SLC6A2: variants seen among roughly 807,000 people sequenced by gnomAD.
SLC6A2 encodes the protein solute carrier family 6 member 2, also known as sodium-dependent noradrenaline transporter.
SLC6A2 carries 26 observed loss-of-function variants against 71.7 expected under a neutral mutation model. That is an observed-to-expected ratio of 0.36 (90% CI 0.27 to 0.50). The LOEUF is 0.50. SLC6A2 is among the 20% of genes least tolerant of loss of function. The pLI is 0.96. For missense variants in SLC6A2, 581 were observed against 803.9 expected (o/e 0.72, Z 3.35); for synonymous variants, 363 against 337.9 (o/e 1.07, Z -0.82).
intron 4 of SLC6A2, among the ~76,000 whole-genome samples, chr16:55,678,324 T>C (rs1459259629): frequency 6.6e-6 from 1 of 152,094 alleles, no homozygotes; most frequent in Non-Finnish European, 1.5e-5. Flanking sequence ...TTTTTTTTAA[T>C]GGCGTGATGC....
intron 4 of SLC6A2, among the ~76,000 whole-genome samples, chr16:55,673,520 T>C (rs575882612): frequency 1.3e-5 from 2 of 152,322 alleles, no homozygotes; most frequent in East Asian, 3.9e-4. Flanking sequence ...ATGATGTTTA[T>C]CTAGTTATAA....
rs1965851485 is a variant in SLC6A2, at chr16:55,697,988, T to C, written c.1352T>C (p.Phe451Ser). 1 of 1,614,148 alleles carries C rather than the reference T, an allele frequency of 6.2e-7. No individual in the cohort carries two copies. The highest frequency in any genetic ancestry group is 8.5e-7 in the Non-Finnish European group (1 of 1,180,022). ...AAACTCTTCACATTTGGCGTCACCT[T>C]CAGCACTTTCCTTCTCGCCCTGTTC... ...HRKLFTFGVT[F>S]STFLLALFCI... is the part of the protein sequence containing the mutation. Residue 451 changes from phenylalanine to serine, a missense_variant, in exon 10 of 15, where the codon TTC becomes TCC. By Grantham distance (155) the Phe-to-Ser change is radical. Around this residue, in one of 5 missense-constraint regions of SLC6A2, gnomAD observed 334 missense variants for 449.0 expected, o/e 0.74. Coordinates refer to ENST00000568943, the MANE Select transcript of SLC6A2 (RefSeq NM_001172501.3).
intron 5 of SLC6A2, among the ~76,000 whole-genome samples, chr16:55,688,693 A>G (rs1417758141): frequency 1.3e-5 from 2 of 152,122 alleles, no homozygotes; most frequent in African/African-American, 4.8e-5. Flanking sequence ...ATTTCTGACA[A>G]GCACCTAGGT....
At chr16:55,686,590 C>T (rs1441984450) in intron 5 of SLC6A2, among the ~76,000 whole-genome samples, 2 of 152,118 alleles carry the variant, frequency 1.3e-5, no homozygotes, top group Non-Finnish European at 2.9e-5. Flanking sequence ...CATTAGGCAA[C>T]TGATTTTGGA....
chr16:55,664,925 C>T (rs963783414), intron 2 of SLC6A2, among the ~76,000 whole-genome samples: 2 of 152,192 alleles, frequency 1.3e-5, no homozygotes, highest in East Asian at 1.9e-4. Context: ...AATACCCGGA[C>T]GGTGGAATTC....
chr16:55,696,385 A>G, intron 9 of SLC6A2, 48 bp downstream of exon 9: 1 of 1,121,710 alleles, frequency 8.9e-7, no homozygotes. Flanking sequence ...ACTGGGCCTG[A>G]CCCCCTTCCC....
intron 8 of SLC6A2, among the ~76,000 whole-genome samples, 159 bp downstream of exon 8, chr16:55,695,561 A>T (rs1198172602): frequency 6.6e-6 from 1 of 152,182 alleles, no homozygotes; most frequent in Non-Finnish European, 1.5e-5. Context: ...TGAGGTTATT[A>T]GTGGGCATTC....
chr16:55,694,738 T>C lies in SLC6A2; in HGVS notation c.1023-540T>C, dbSNP rs117459452. On this transcript the variant is annotated intron_variant, in intron 7 of 14. Coordinates refer to ENST00000568943, the MANE Select transcript of SLC6A2 (RefSeq NM_001172501.3). The stretch of plus-strand genomic sequence containing the variant: ...GGAAATGGGGTGATCAGCCCCCTGA[T>C]AGAAGACAAGCCAGTGCATGGAGGT... Among the ~76,000 whole-genome samples the C allele has an allele frequency of 1.2e-3, 177 of 152,260 alleles. 3 individuals are homozygous for C. In the East Asian group the frequency reaches 0.028, roughly 24 times the overall value.
chr16:55,694,169 T>G (rs28613651), intron 7 of SLC6A2, 56 bp downstream of exon 7: 1,256,299 of 1,259,652 alleles, frequency 1, 626,544 homozygotes, highest in East Asian at 1. Context: ...TGACTCTTGT[T>G]GGGTGGCAGA....
chr16:55,664,859 G>A (rs1225707214), intron 2 of SLC6A2, among the ~76,000 whole-genome samples: 2 of 152,140 alleles, frequency 1.3e-5, no homozygotes, highest in African/African-American at 4.8e-5. Flanking sequence ...TCTCATGGGA[G>A]CCAAGTGTGC....
At chr16:55,676,990 C>A (rs1469489712) in intron 4 of SLC6A2, among the ~76,000 whole-genome samples, 2 of 152,214 alleles carry the variant, frequency 1.3e-5, no homozygotes. Context: ...GGTCCGGGTA[C>A]AACCAGGGCA....
chr16:55,681,342 T>A (rs560005037), intron 4 of SLC6A2, among the ~76,000 whole-genome samples: 5 of 152,320 alleles, frequency 3.3e-5, no homozygotes, highest in Admixed American at 3.3e-4. Context: ...AGCCATCACC[T>A]GCTTCTCCAC....
chr16:55,667,757 A>G (rs1002609957), intron 2 of SLC6A2, among the ~76,000 whole-genome samples: 4 of 151,740 alleles, frequency 2.6e-5, no homozygotes, highest in African/African-American at 4.9e-5. Context: ...CAGATCCCCC[A>G]TTTCAGAACA....
chr16:55,668,522 T>C (rs1355193462), intron 2 of SLC6A2, among the ~76,000 whole-genome samples: 7 of 152,074 alleles, frequency 4.6e-5, no homozygotes, highest in Non-Finnish European at 8.8e-5. Flanking sequence ...GTAACAGGAG[T>C]TTGGATCTGG....
Position 55,656,827 on chromosome 16 carries a change from C to T in SLC6A2, c.133C>T (p.Leu45=), listed in dbSNP as rs752722040. ...VVKERNGVQC[L]LAPRDGDAQP... The stretch of plus-strand genomic sequence containing the variant: ...GAAGGAGCGCAACGGCGTCCAGTGC[C>T]TGCTGGCGCCCCGCGACGGCGACGC... Residue 45 remains leucine, a synonymous_variant, in exon 2 of 15, where the codon CTG becomes TTG. Transcript: ENST00000568943. This position sits in a 1 kb window ranked among gnomAD's most constrained non-coding sequence, Gnocchi z 4.5. 5 of 1,613,540 alleles carry T rather than the reference C, an allele frequency of 3.1e-6. No homozygotes were observed. In the East Asian group the frequency reaches 8.9e-5, roughly 29 times the overall value.
chr16:55,668,871 A>T (rs1445110123), intron 2 of SLC6A2, among the ~76,000 whole-genome samples: 1 of 152,150 alleles, frequency 6.6e-6, no homozygotes, highest in Non-Finnish European at 1.5e-5. Flanking sequence ...GTGGGTCACA[A>T]GGCCGGAATG....
At chr16:55,662,753 C>T (rs1461483036) in intron 2 of SLC6A2, among the ~76,000 whole-genome samples, 1 of 152,180 alleles carries the variant, frequency 6.6e-6, no homozygotes, top group African/African-American at 2.4e-5. Context: ...CTGAATTCCA[C>T]CCCCATTTTT....
chr16:55,656,224 G>A lies in SLC6A2; in HGVS notation c.-52+55G>A, dbSNP rs1036044955. The A allele has an allele frequency of 1.4e-5, 3 of 213,034 alleles. No individual in the cohort carries two copies. In the South Asian group the frequency reaches 2.3e-4, roughly 16 times the overall value. 13.2% of individuals were successfully genotyped at this position (213,034 alleles called of 1,614,324 possible). A position where few individuals can be genotyped will look rare whatever the true frequency, so the allele number is the denominator to read the frequency against. ...TAGGTCTGCCTGGGAGGCCCGGGCC[G>A]AGACGCGCCAGCAGAGGGCTAGCGA... is the stretch of plus-strand genomic sequence containing the variant. On this transcript the variant is annotated intron_variant, in intron 1 of 14. Transcript: ENST00000568943. This position sits in a 1 kb window ranked among gnomAD's most constrained non-coding sequence, Gnocchi z 4.5.
chr16:55,657,191 G>A (rs1567427589), intron 2 of SLC6A2, among the ~76,000 whole-genome samples: 3 of 152,184 alleles, frequency 2.0e-5, no homozygotes, highest in Non-Finnish European at 2.9e-5. Flanking sequence ...TCATTCCAGC[G>A]GAAGTGTCAG....
Sources: gnomAD v4.1 joint callset for allele counts (sites outside exome capture counted in the v4.1 genomes callset) on GRCh38, gnomAD v4.1.1 for gene constraint, gnomAD v4.1.1 regional missense constraint, Gnocchi (gnomAD v3.1) non-coding constraint, MANE v1.5 for transcripts, NCBI Gene and HGNC (gene_info 2026-07-23, HGNC 2026-07-21) for gene names.